Variants in ALG6 observed in about 807,000 individuals in gnomAD.
ALG6 encodes ALG6 alpha-1,3-glucosyltransferase.
Under a neutral mutation model 66.6 loss-of-function variants are expected in ALG6, and 46 were observed. The ratio of observed to expected loss-of-function variants is 0.69; its 90% CI spans 0.55 to 0.88. ALG6 has a LOEUF of 0.88. Ranked by LOEUF, ALG6 falls within the 40% of genes least tolerant of loss-of-function variation. The probability of loss-of-function intolerance (pLI) is 0.00; values close to 1 mark genes in which losing one functional copy is unlikely to be tolerated. For synonymous variants in ALG6, 185 were observed against 203.7 expected (o/e 0.91, Z 0.78); for missense variants, 505 against 586.8 (o/e 0.86, Z 1.44).
chr1:63,433,302 A>G lies in ALG6; in HGVS notation c.1327-3521A>G, dbSNP rs1324582717. 2.0e-5 allele frequency among the ~76,000 whole-genome samples: 3 copies of G among 152,192 alleles called. No homozygotes were observed. The highest frequency in any genetic ancestry group is 1.5e-5 in the Non-Finnish European group (1 of 68,040). ...ATAGAGGATTGCCCAAAGTACCCAG[A>G]TAACAAAGAGAAAAGAATGACTAAC... On this transcript the variant is annotated intron_variant, in intron 14 of 14. Transcript: ENST00000263440. This position sits in a 1 kb window ranked among gnomAD's most constrained non-coding sequence, Gnocchi z 4.2.
chr1:63,378,783 G>A (rs1417451272), intron 2 of ALG6, among the ~76,000 whole-genome samples: 1 of 150,154 alleles, frequency 6.7e-6, no homozygotes, highest in East Asian at 1.9e-4. Flanking sequence ...TTTCCATCTC[G>A]GGGTTTCTTC....
At position 63,433,891 on chromosome 1, in the gene ALG6, A is replaced by G. The variant is rs1040891932; in HGVS notation, c.1327-2932A>G. Among the ~76,000 whole-genome samples, 2 of 152,230 alleles carry G rather than the reference A, an allele frequency of 1.3e-5. No homozygotes were observed. The highest frequency in any genetic ancestry group is 2.4e-5 in the African/African-American group (1 of 41,456). ...GAACAACAAAGCAAGGGAGAAATCG[A>G]TATGATATGCAGGAGGGATGAATGC... On this transcript the variant is annotated intron_variant, in intron 14 of 14. Coordinates refer to ENST00000263440, the MANE Select transcript of ALG6 (RefSeq NM_013339.4). The surrounding 1 kb of genome is among the most constrained non-coding windows in gnomAD (Gnocchi z 4.2).
chr1:63,382,180 ATTT>A (rs1384727927), intron 2 of ALG6, among the ~76,000 whole-genome samples: 1 of 150,194 alleles, frequency 6.7e-6, no homozygotes, highest in Non-Finnish European at 1.5e-5. Context: ...TTTTATTTAT[ATTT>A]TTATTATTTT....
chr1:63,383,741 C>A (rs1028447533), intron 2 of ALG6, among the ~76,000 whole-genome samples: 1 of 152,110 alleles, frequency 6.6e-6, no homozygotes, highest in Non-Finnish European at 1.5e-5. Context: ...ACTGCAGTCA[C>A]CCTGTTGAGC....
intron 12 of ALG6, among the ~76,000 whole-genome samples, chr1:63,422,432 A>ATCT (rs1644591049): frequency 8.3e-5 from 2 of 23,964 alleles, no homozygotes; most frequent in African/African-American, 5.2e-4. Context: ...TATAAATATA[A>ATCT]ATATATATAT....
chr1:63,389,658 A>G (rs1648610102), intron 2 of ALG6, among the ~76,000 whole-genome samples: 1 of 152,090 alleles, frequency 6.6e-6, no homozygotes, highest in Non-Finnish European at 1.5e-5. Flanking sequence ...GGATATTGAT[A>G]AGTTAGGTAT....
intron 12 of ALG6, 41 bp downstream of exon 12, chr1:63,419,481 A>T (rs1644562607): frequency 6.6e-6 from 9 of 1,354,860 alleles, no homozygotes; most frequent in African/African-American, 1.5e-5. Flanking sequence ...TTTGTTTATA[A>T]TATAACTTTA....
chr1:63,393,694 CAT>C (rs1465199022), intron 2 of ALG6, among the ~76,000 whole-genome samples: 2 of 152,138 alleles, frequency 1.3e-5, no homozygotes, highest in Admixed American at 6.5e-5. Flanking sequence ...GGTGAGAACT[CAT>C]ATATGGCACT....
intron 9 of ALG6, 77 bp from the exon 10 acceptor site, chr1:63,413,984 A>T: frequency 9.0e-7 from 1 of 1,106,648 alleles, no homozygotes; most frequent in South Asian, 1.3e-5. Flanking sequence ...TTTATTAGAG[A>T]TTATGGGCTG....
chr1:63,396,345 G>A (rs188838107), intron 2 of ALG6, among the ~76,000 whole-genome samples, 168 bp from the exon 3 acceptor site: 1 of 152,162 alleles, frequency 6.6e-6, no homozygotes, highest in African/African-American at 2.4e-5. Context: ...CCAGCAGTGT[G>A]CCAGCAGTGC....
intron 8 of ALG6, 131 bp from the exon 9 acceptor site, chr1:63,411,795 A>T: frequency 7.9e-7 from 1 of 1,272,894 alleles, no homozygotes; most frequent in Non-Finnish European, 1.1e-6. Context: ...CTCCCATCTT[A>T]AGCCTATATT....
At chr1:63,409,769 A>G (rs867522990) in intron 7 of ALG6, among the ~76,000 whole-genome samples, 4 of 152,078 alleles carry the variant, frequency 2.6e-5, no homozygotes, top group African/African-American at 4.8e-5. Flanking sequence ...TATGACTTCT[A>G]TATATCATTG....
Position 63,437,069 on chromosome 1 carries a change from A to G in ALG6, c.*49A>G, listed in dbSNP as rs751260666. 3.2e-5 allele frequency: 50 copies of G among 1,541,714 alleles called. No homozygotes were observed. In the South Asian group the frequency reaches 4.1e-4, roughly 13 times the overall value. On this transcript the variant is annotated 3_prime_UTR_variant, in exon 15 of 15. Transcript: ENST00000263440. ...CCTAAACAAATGTGAAAATGTGAAC[A>G]GTGCTGAAAGGTTTTGTGAACTTTT...
intron 2 of ALG6, among the ~76,000 whole-genome samples, chr1:63,373,485 C>G (rs1353954022): frequency 1.3e-5 from 2 of 151,288 alleles, no homozygotes; most frequent in East Asian, 4.0e-4. Context: ...ATCCCAGCTG[C>G]TGGGGAGGCT....
rs146174997 is a variant in ALG6, at chr1:63,383,357, A to G, written c.82+12298A>G. ...CCAGGCTGGTCTTGAACTCCTGGCGATCTGCCCACCTTGGCCTCCCAAAGT... is the reference window on the plus strand; with the variant it reads ...CCAGGCTGGTCTTGAACTCCTGGCGGTCTGCCCACCTTGGCCTCCCAAAGT... On this transcript the variant is annotated intron_variant, in intron 2 of 14. Transcript: ENST00000263440. Among the ~76,000 whole-genome samples the G allele has an allele frequency of 7.4e-3, 1,122 of 151,870 alleles. 11 individuals carry two copies. Among genetic ancestry groups the G allele is most frequent in the African/African-American group, 0.024 (1,010 of 41,396 alleles).
At chr1:63,382,684 T>TG (rs1353238884) in intron 2 of ALG6, among the ~76,000 whole-genome samples, 78 of 79,604 alleles carry the variant, frequency 9.8e-4, no homozygotes, top group African/African-American at 4.2e-3. Flanking sequence ...TTTTTGTTTT[T>TG]TTTTTTTTTG....
chr1:63,412,479 G>C (rs1438227582), intron 9 of ALG6, among the ~76,000 whole-genome samples: 2 of 152,108 alleles, frequency 1.3e-5, no homozygotes, highest in African/African-American at 4.8e-5. Context: ...ATATGTTTTT[G>C]TAATGAAATA....
At chr1:63,402,432 A>G (rs1205151092) in intron 4 of ALG6, 89 bp downstream of exon 4, 1 of 660,292 alleles carries the variant, frequency 1.5e-6, no homozygotes, top group Non-Finnish European at 2.7e-6. Flanking sequence ...TCTTGACTAG[A>G]GGAGAGATTG....
At chr1:63,402,396 T>C in intron 4 of ALG6, 53 bp downstream of exon 4, 2 of 1,212,406 alleles carry the variant, frequency 1.6e-6, no homozygotes, top group Non-Finnish European at 2.4e-6. Context: ...TTGGCAGATT[T>C]AGTAAGAAGC....
Sources: gnomAD v4.1 joint callset for allele counts (sites outside exome capture counted in the v4.1 genomes callset) on GRCh38, gnomAD v4.1.1 for gene constraint, Gnocchi (gnomAD v3.1) non-coding constraint, MANE v1.5 for transcripts, NCBI Gene and HGNC (gene_info 2026-07-23, HGNC 2026-07-21) for gene names.